The following CLEC4D variants were observed in gnomAD, a reference collection of about 807,000 sequenced individuals.
CLEC4D encodes C-type (calcium dependent, carbohydrate-recognition domain) lectin, superfamily member 8.
CLEC4D carries 21 observed loss-of-function variants against 21.1 expected under a neutral mutation model. That is an observed-to-expected ratio of 1.00 (90% confidence interval 0.71 to 1.43). The LOEUF (loss-of-function observed/expected upper bound fraction) is 1.43. CLEC4D is among the 40% of genes most tolerant of loss of function. The pLI, the probability that CLEC4D is intolerant of heterozygous loss-of-function variation, is 0.00. For synonymous variants in CLEC4D, 85 were observed against 83.1 expected (o/e 1.02, Z -0.12); for missense variants, 289 against 260.7 (o/e 1.11, Z -0.75).
At chr12:8,528,008 C>T in the CLEC4D span, among the ~76,000 whole-genome samples, 13 of 152,182 alleles carry the variant, frequency 8.5e-5, no homozygotes, top group Non-Finnish European at 5.9e-5. Context: ...CTCCGTGGGT[C>T]ACACCAGCCT....
At chr12:8,518,061 C>T (rs763602123) in intron 2 of CLEC4D, 103 bp from the exon 3 acceptor site, 26 of 555,474 alleles carry the variant, frequency 4.7e-5, no homozygotes, top group African/African-American at 3.9e-4. Context: ...AATATGAGGG[C>T]CTTAATTATT....
chr12:8,526,661 A>G (rs1251774468), downstream of CLEC4D, among the ~76,000 whole-genome samples: 1 of 152,044 alleles, frequency 6.6e-6, no homozygotes, highest in South Asian at 2.1e-4. Context: ...GTTTTTTATT[A>G]TCCATCTTCT....
At chr12:8,531,133 A>T in the CLEC4D span, among the ~76,000 whole-genome samples, 1 of 151,940 alleles carries the variant, frequency 6.6e-6, no homozygotes, top group Admixed American at 6.6e-5. Context: ...GGACAGTCCA[A>T]CCCCCACCAG....
intron 2 of CLEC4D, among the ~76,000 whole-genome samples, chr12:8,515,781 C>T (rs1406064010): frequency 1.3e-5 from 2 of 151,798 alleles, no homozygotes; most frequent in African/African-American, 2.4e-5. Context: ...CATATGAAAA[C>T]CTGTACATAT....
At position 8,521,426 on chromosome 12, in the gene CLEC4D, G is replaced by A; in HGVS notation, c.*155G>A. 12 of 1,401,352 alleles carry A rather than the reference G, an allele frequency of 8.6e-6. No individual in the cohort carries two copies. The highest frequency in any genetic ancestry group is 1.1e-5 in the Non-Finnish European group (12 of 1,076,034). 86.8% of individuals were successfully genotyped at this position (1,401,352 alleles called of 1,614,324 possible). ...TTTTTATTTTGTTTGATTCATTCGA[G>A]ACAACATGTGTGTATGTGTGTGTGT... On this transcript the variant is annotated 3_prime_UTR_variant, in exon 6 of 6. Coordinates refer to ENST00000299665, the MANE Select transcript of CLEC4D (RefSeq NM_080387.5).
At chr12:8,527,776 C>A in the CLEC4D span, among the ~76,000 whole-genome samples, 6 of 152,324 alleles carry the variant, frequency 3.9e-5, no homozygotes, top group South Asian at 1.2e-3. Flanking sequence ...AGCTGAGAGC[C>A]GGTGAGAGTC....
At position 8,521,125 on chromosome 12, in the gene CLEC4D, T is replaced by G; in HGVS notation, c.502T>G (p.Phe168Val). 6.2e-7 allele frequency: 1 copy of G among 1,612,096 alleles called. No homozygotes were observed. Among genetic ancestry groups the G allele is most frequent in the Non-Finnish European group, 8.5e-7 (1 of 1,179,114 alleles). Residue 168 changes from phenylalanine to valine, a missense_variant and splice_region_variant, in exon 6 of 6, where the codon TTC (phenylalanine) becomes GTC (valine). Phe to Val is a conservative substitution (Grantham distance 50). Transcript: ENST00000299665. ...CTATCTATGTTGTTGTTCTTTCAGA[T>G]TCTGGCATAAGAATGAACCCGACAA... ...DQTPFNPRRV[F>V]WHKNEPDNSQ...
At position 8,513,673 on chromosome 12, in the gene CLEC4D, G is replaced by A. The variant is rs142439957; in HGVS notation, c.-60G>A. 115 of 843,672 alleles carry A rather than the reference G, an allele frequency of 1.4e-4. No individual in the cohort carries two copies. In the Admixed American group the frequency reaches 2.0e-3, roughly 15 times the overall value. 52.3% of individuals were successfully genotyped at this position (843,672 alleles called of 1,614,324 possible). On this transcript the variant is annotated 5_prime_UTR_variant, in exon 1 of 6. Coordinates refer to ENST00000299665, the MANE Select transcript of CLEC4D (RefSeq NM_080387.5). The stretch of plus-strand genomic sequence containing the variant: ...CCTATCCACAGAAATATACTCTGGG[G>A]GAAAAAAAATAGAACAAATTCTTGC...
chr12:8,517,556 C>G (rs1373160371), intron 2 of CLEC4D, among the ~76,000 whole-genome samples: 1 of 151,526 alleles, frequency 6.6e-6, no homozygotes, highest in Non-Finnish European at 1.5e-5. Flanking sequence ...TTCATACAAC[C>G]CAGCGCGCAC....
chr12:8,519,661 T>C (rs1238653135), intron 4 of CLEC4D, among the ~76,000 whole-genome samples: 1 of 152,210 alleles, frequency 6.6e-6, no homozygotes, highest in African/African-American at 2.4e-5. Flanking sequence ...CTTCTCAGGA[T>C]AAAGTACAGG....
chr12:8,521,051 A>G, intron 5 of CLEC4D, 73 bp from the exon 6 acceptor site: 1 of 1,520,214 alleles, frequency 6.6e-7, no homozygotes, highest in Non-Finnish European at 8.8e-7. Flanking sequence ...ATATATCTAT[A>G]TCTAATCTAC....
chr12:8,527,865 T>G, the CLEC4D span, among the ~76,000 whole-genome samples: 1 of 151,426 alleles, frequency 6.6e-6, no homozygotes, highest in Admixed American at 6.5e-5. Context: ...AGTTACACAG[T>G]TCCGTGGAAA....
chr12:8,527,287 C>G (rs1300349196), downstream of CLEC4D, among the ~76,000 whole-genome samples: 1 of 152,174 alleles, frequency 6.6e-6, no homozygotes, highest in Non-Finnish European at 1.5e-5. Context: ...CTCAGAACTA[C>G]CAGGAGGAGA....
chr12:8,528,087 G>T, the CLEC4D span, among the ~76,000 whole-genome samples: 1 of 152,064 alleles, frequency 6.6e-6, no homozygotes, highest in African/African-American at 2.4e-5. Flanking sequence ...ACTTATTGCG[G>T]TTTTTTTCCG....
chr12:8,525,452 G>A (rs1251088652), downstream of CLEC4D, among the ~76,000 whole-genome samples: 2 of 152,110 alleles, frequency 1.3e-5, no homozygotes, highest in African/African-American at 2.4e-5. Context: ...GTTATGTAAT[G>A]CCATTCTTTG....
At chr12:8,526,590 G>A (rs762268858), downstream of CLEC4D, among the ~76,000 whole-genome samples, 27 of 152,204 alleles carry the variant, frequency 1.8e-4, no homozygotes, top group Middle Eastern at 3.4e-3. Context: ...TCATCTAACC[G>A]TTTATCAAGG....
intron 1 of CLEC4D, among the ~76,000 whole-genome samples, chr12:8,514,873 C>T (rs73250522): frequency 0.03 from 4,632 of 152,088 alleles, 244 homozygotes; most frequent in African/African-American, 0.1. Context: ...TTATCCAGTG[C>T]GGATATTAAT....
chr12:8,531,033 A>G, the CLEC4D span, among the ~76,000 whole-genome samples: 5 of 152,062 alleles, frequency 3.3e-5, no homozygotes, highest in Non-Finnish European at 5.9e-5. Flanking sequence ...GCCCTCCTAG[A>G]TAGTCCTCCT....
At chr12:8,521,087 T>C (rs780661096) in intron 5 of CLEC4D, 37 bp from the exon 6 acceptor site, 2 of 1,600,864 alleles carry the variant, frequency 1.2e-6, no homozygotes, top group Non-Finnish European at 1.7e-6. Flanking sequence ...TGTCTATATA[T>C]ACCTATAAAT....
Sources: gnomAD v4.1 joint callset for allele counts (sites outside exome capture counted in the v4.1 genomes callset) on GRCh38, gnomAD v4.1.1 for gene constraint, MANE v1.5 for transcripts, NCBI Gene and HGNC (gene_info 2026-07-23, HGNC 2026-07-21) for gene names.